The following CEP72 variants were observed in gnomAD, a reference collection of about 807,000 sequenced individuals.
CEP72 encodes centrosomal protein 72.
Under a neutral mutation model 65.7 loss-of-function variants are expected in CEP72, and 78 were observed. That is an observed-to-expected ratio of 1.19 (90% confidence interval 0.99 to 1.43). The LOEUF (loss-of-function observed/expected upper bound fraction) is 1.43, where lower values mean the gene tolerates loss of function less well. Ranked by LOEUF, CEP72 falls within the 40% of genes most tolerant of loss-of-function variation. The pLI is 0.00. For synonymous variants in CEP72, 358 were observed against 351.7 expected (o/e 1.02, Z -0.20); for missense variants, 914 against 832.9 (o/e 1.10, Z -1.20).
At chr5:637,116 C>G (rs571981804) in intron 6 of CEP72, among the ~76,000 whole-genome samples, 2 of 152,222 alleles carry the variant, frequency 1.3e-5, no homozygotes, top group Non-Finnish European at 2.9e-5. Context: ...TACGGACCAT[C>G]AGAGTCTGTC....
At chr5:658,889 C>T (rs865805946), downstream of CEP72, among the ~76,000 whole-genome samples, 20 of 152,112 alleles carry the variant, frequency 1.3e-4, no homozygotes, top group African/African-American at 3.9e-4. Flanking sequence ...AGGATGGTCT[C>T]AATCTCCTGA....
chr5:648,987 G>A (rs1232299942), intron 11 of CEP72, among the ~76,000 whole-genome samples: 2 of 150,500 alleles, frequency 1.3e-5, no homozygotes, highest in African/African-American at 4.9e-5. Context: ...GGACTGTGAG[G>A]TATGTGACCA....
chr5:670,194 C>T (rs571823986), downstream of CEP72, among the ~76,000 whole-genome samples: 12 of 152,304 alleles, frequency 7.9e-5, no homozygotes, highest in South Asian at 8.3e-4. Context: ...CCTGTTCCTC[C>T]GGGGCGGACG....
chr5:624,476 C>T lies in CEP72; in HGVS notation c.409C>T (p.Arg137Cys), dbSNP rs150804145. The T allele has an allele frequency of 1.7e-4, 274 of 1,613,510 alleles. No individual in the cohort carries two copies. The African/African-American group carries it at 2.7e-3, about 16-fold the overall frequency. The part of the protein sequence containing the change: ...LLPKLQQLDD[R>C]PVRASERKAS... The stretch of plus-strand genomic sequence containing the variant: ...TGTGTGGCCTTTTCTTCTAGACGAT[C>T]GCCCCGTGAGAGCAAGCGAGCGGAA... The change falls in exon 4 of 12, where the codon CGC becomes TGC. Residue 137 changes from arginine to cysteine, a missense_variant. Coordinates refer to ENST00000264935, the MANE Select transcript of CEP72 (RefSeq NM_018140.4). This position sits in a 1 kb window ranked among gnomAD's most constrained non-coding sequence, Gnocchi z 4.7.
the CEP72 span, among the ~76,000 whole-genome samples, chr5:673,059 G>A: frequency 1.3e-5 from 2 of 152,170 alleles, no homozygotes; most frequent in African/African-American, 4.8e-5. Context: ...GCTTTCTGCA[G>A]TACCGAAGGC....
chr5:650,086 GACTGTGAGGTGTGGACTGTGAGGTGT>G (rs1738877982), intron 11 of CEP72, among the ~76,000 whole-genome samples: 3 of 3,982 alleles, frequency 7.5e-4, no homozygotes, highest in Admixed American at 2.1e-3. Flanking sequence ...TGTGAGGCGT[GACTGTGAGGTGTGGACTGTGAGGTGT>G]GACTGTGAGG....
Position 653,201 on chromosome 5 carries a change from C to CAA in CEP72, c.*49_*50insAA. Reference sequence around the variant, plus strand: ...CCCCTTAAGCTTCCTGGTAAAGTTACATTGTCTGCACCTTTGTACTTCTTT... The same window carrying CAA: ...CCCCTTAAGCTTCCTGGTAAAGTTACAAATTGTCTGCACCTTTGTACTTCTTT... On this transcript the variant is annotated 3_prime_UTR_variant, in exon 12 of 12. Transcript: ENST00000264935. 1 of 1,514,088 alleles carries CAA rather than the reference C, an allele frequency of 6.6e-7. No individual in the cohort carries two copies. Among genetic ancestry groups the CAA allele is most frequent in the Non-Finnish European group, 8.8e-7 (1 of 1,131,350 alleles). The allele number at this position is 1,514,088 out of a possible 1,614,324, so 93.8% of individuals were successfully genotyped here. A position where few individuals can be genotyped will look rare whatever the true frequency, so the allele number is the denominator to read the frequency against.
intron 9 of CEP72, chr5:643,560 TCTG>T (rs1738204852): frequency 2.0e-6 from 2 of 985,346 alleles, no homozygotes; most frequent in African/African-American, 1.7e-5. Context: ...GCACGAGGCT[TCTG>T]CTGCACAGAC....
intron 4 of CEP72, among the ~76,000 whole-genome samples, chr5:628,893 C>CCGGGGAG (rs1322477445): frequency 8.3e-6 from 1 of 120,030 alleles, no homozygotes; most frequent in African/African-American, 3.4e-5. Context: ...GTTGCCGTCC[C>CCGGGGAG]TGGGGAGTGG....
At position 645,953 on chromosome 5, in the gene CEP72, TC is replaced by T. The variant is rs1381011066; in HGVS notation, c.1666+1531del. ...TACACTGTGTGAGCGTCACTCCTGC[TC>T]CCGTTGGCGCCCTGTGTGGATGGTG... On this transcript the variant is annotated intron_variant, in intron 10 of 11. Transcript: ENST00000264935. This position sits in a 1 kb window ranked among gnomAD's most constrained non-coding sequence, Gnocchi z 4.0. Among the ~76,000 whole-genome samples the T allele has an allele frequency of 2.0e-5, 3 of 151,698 alleles. No individual in the cohort carries two copies. Among genetic ancestry groups the T allele is most frequent in the Non-Finnish European group, 4.4e-5 (3 of 67,924 alleles).
chr5:648,956 C>T (rs1363858387), intron 11 of CEP72, among the ~76,000 whole-genome samples: 7 of 102,254 alleles, frequency 6.8e-5, no homozygotes, highest in South Asian at 6.9e-4. Context: ...GGTGTGACCA[C>T]GAGGCATGGA....
intron 1 of CEP72, among the ~76,000 whole-genome samples, chr5:616,105 A>AT (rs1735973100): frequency 1.3e-5 from 2 of 151,846 alleles, no homozygotes; most frequent in East Asian, 3.9e-4. Flanking sequence ...CTGTTCTGTT[A>AT]TTTTTTCTTC....
chr5:660,230 A>T (rs1739531044), downstream of CEP72: 1 of 142,430 alleles, frequency 7.0e-6, no homozygotes, highest in South Asian at 2.2e-4. Flanking sequence ...TATATATATA[A>T]ATTTGTTTCC....
rs145377725 is a variant in CEP72, at chr5:637,616, G to T, written c.1004G>T (p.Arg335Leu). ...CCAGCCCCCGGAAAGTGCAGGAAGC[G>T]AAGAATGCCTGTTGGAAGATTCCAG... is the stretch of plus-strand genomic sequence containing the variant. ...PLPAPGKCRK[R>L]RMPVGRFQTF... Residue 335 changes from arginine to leucine, a missense_variant, in exon 7 of 12, where the codon CGA (arginine) becomes CTA (leucine). Coordinates refer to ENST00000264935, the MANE Select transcript of CEP72 (RefSeq NM_018140.4). 1 of 1,613,996 alleles carries T rather than the reference G, an allele frequency of 6.2e-7. No individual in the cohort carries two copies. Among genetic ancestry groups the T allele is most frequent in the Non-Finnish European group, 8.5e-7 (1 of 1,180,056 alleles).
At chr5:626,363 G>C (rs933884667) in intron 4 of CEP72, among the ~76,000 whole-genome samples, 4 of 152,158 alleles carry the variant, frequency 2.6e-5, no homozygotes, top group African/African-American at 9.7e-5. Flanking sequence ...TGCTGGCCAT[G>C]GATGATAGGT....
rs761990990 is a variant in CEP72, at chr5:647,885, G to A, written c.1747G>A (p.Glu583Lys). 1 of 1,612,490 alleles carries A rather than the reference G, an allele frequency of 6.2e-7. No homozygotes were observed. ...CCTGGAGCACTACGACAAGATCCAG[G>A]AGCTCACGCAGATGCTGCAGGAGAG... is the stretch of plus-strand genomic sequence containing the variant. ...QHLEHYDKIQELTQMLQESHS... is the reference protein window; with the variant it reads ...QHLEHYDKIQKLTQMLQESHS... The change falls in exon 11 of 12, where the codon GAG becomes AAG. Residue 583 changes from glutamate (E) to lysine (K), a missense_variant. Coordinates refer to ENST00000264935, the MANE Select transcript of CEP72 (RefSeq NM_018140.4).
intron 11 of CEP72, among the ~76,000 whole-genome samples, chr5:648,455 G>A (rs1042888794): frequency 3.5e-5 from 5 of 144,328 alleles, no homozygotes; most frequent in South Asian, 2.2e-4. Context: ...TGAGTGTGAG[G>A]TGTGACTGTG....
chr5:638,768 G>T (rs371314397), intron 7 of CEP72, among the ~76,000 whole-genome samples: 2 of 152,248 alleles, frequency 1.3e-5, no homozygotes, highest in African/African-American at 4.8e-5. Flanking sequence ...TTGAACACAG[G>T]CTCTGACTGC....
At chr5:620,734 A>G (rs373984980) in intron 3 of CEP72, among the ~76,000 whole-genome samples, 22 of 152,308 alleles carry the variant, frequency 1.4e-4, no homozygotes, top group East Asian at 7.7e-4. Context: ...TTGGGAGGGG[A>G]TGTGCAGTGA....
Sources: allele counts gnomAD v4.1 joint callset (sites outside exome capture counted in the v4.1 genomes callset), GRCh38; gene constraint gnomAD v4.1.1; non-coding constraint Gnocchi (gnomAD v3.1); transcripts MANE v1.5; gene names NCBI Gene and HGNC (gene_info 2026-07-23, HGNC 2026-07-21).